The following ROR1 variants were observed in gnomAD, a reference collection of about 807,000 sequenced individuals.
The protein encoded by ROR1 is inactive tyrosine-protein kinase transmembrane receptor ROR1.
In ROR1, 19 loss-of-function variants were observed where a neutral mutation model predicts 78.8. The observed-to-expected ratio is 0.24, with a 90% confidence interval of 0.17 to 0.35. The LOEUF (loss-of-function observed/expected upper bound fraction) is 0.35, where lower values mean the gene tolerates loss of function less well. Among genes scored for constraint, ROR1 ranks in the 10% least tolerant of loss-of-function variants. The pLI is 1.00. For missense variants in ROR1, 917 were observed against 1,177.8 expected (o/e 0.78, Z 3.24); for synonymous variants, 386 against 433.6 (o/e 0.89, Z 1.36).
intron 6 of ROR1, among the ~76,000 whole-genome samples, chr1:64,141,628 G>A (rs1233498432): frequency 2.6e-5 from 4 of 152,018 alleles, no homozygotes; most frequent in South Asian, 4.1e-4. Context: ...GCAGCACCAC[G>A]CAAAAGACTA....
chr1:63,797,464 C>G (rs1644767787), intron 1 of ROR1, among the ~76,000 whole-genome samples: 1 of 152,210 alleles, frequency 6.6e-6, no homozygotes, highest in African/African-American at 2.4e-5. Flanking sequence ...GAATCACAGA[C>G]TATCAGAGTC....
At chr1:64,043,456 G>A (rs1646760466) in intron 2 of ROR1, among the ~76,000 whole-genome samples, 1 of 152,132 alleles carries the variant, frequency 6.6e-6, no homozygotes, top group East Asian at 1.9e-4. Context: ...CTTTTTTCTT[G>A]CAGTTTGCTT....
chr1:64,178,691 T>C lies in ROR1; in HGVS notation c.2650T>C (p.Leu884=). The C allele has an allele frequency of 6.2e-7, 1 of 1,614,108 alleles. No individual in the cohort carries two copies. Among genetic ancestry groups the C allele is most frequent in the Non-Finnish European group, 8.5e-7 (1 of 1,180,018 alleles). The change falls in exon 9 of 9, where the codon TTA becomes CTA. Residue 884 remains leucine (L), a synonymous_variant. Coordinates refer to ENST00000371079, the MANE Select transcript of ROR1 (RefSeq NM_005012.4). This position sits in a 1 kb window ranked among gnomAD's most constrained non-coding sequence, Gnocchi z 4.3. ...ATCCAATCAGGAAGCAAATATTCCT[T>C]TACTACCACACATGTCAATTCCAAA... ...SGSNQEANIP[L]LPHMSIPNHP... is the part of the protein sequence containing the mutation.
intron 2 of ROR1, among the ~76,000 whole-genome samples, chr1:64,018,219 G>C (rs1298593247): frequency 6.6e-6 from 1 of 152,102 alleles, no homozygotes; most frequent in Non-Finnish European, 1.5e-5. Context: ...GGACTTAAAA[G>C]GTCTGCTTGG....
intron 4 of ROR1, among the ~76,000 whole-genome samples, chr1:64,068,233 A>G (rs1646974397): frequency 6.6e-6 from 1 of 152,178 alleles, no homozygotes; most frequent in South Asian, 2.1e-4. Flanking sequence ...ACATTCTTAT[A>G]TCTGTCTAGC....
chr1:63,858,462 T>C lies in ROR1; in HGVS notation c.91+83954T>C, dbSNP rs576411459. Reference sequence around the variant, plus strand: ...CTTTCCCTGATGCACAAATTAAGACTGGGTGTATTTTGCATATTTTCCTAG... The same window carrying C: ...CTTTCCCTGATGCACAAATTAAGACCGGGTGTATTTTGCATATTTTCCTAG... On this transcript the variant is annotated intron_variant, in intron 1 of 8. Transcript: ENST00000371079. Among the ~76,000 whole-genome samples the C allele has an allele frequency of 4.6e-5, 7 of 152,324 alleles. No homozygotes were observed. The East Asian group carries it at 1.2e-3, about 25-fold the overall frequency.
At chr1:63,862,103 A>T (rs952273012) in intron 1 of ROR1, among the ~76,000 whole-genome samples, 7 of 151,992 alleles carry the variant, frequency 4.6e-5, no homozygotes, top group Non-Finnish European at 1.0e-4. Flanking sequence ...TTAGAACTAC[A>T]TTTTCCTGGC....
At chr1:64,093,088 C>G (rs1257884847) in intron 4 of ROR1, among the ~76,000 whole-genome samples, 1 of 152,126 alleles carries the variant, frequency 6.6e-6, no homozygotes, top group Non-Finnish European at 1.5e-5. Flanking sequence ...TAAGCAACGC[C>G]GGGTTGTTCA....
chr1:64,068,583 A>G (rs1557636460), intron 4 of ROR1, among the ~76,000 whole-genome samples: 1 of 152,202 alleles, frequency 6.6e-6, no homozygotes, highest in Admixed American at 6.5e-5. Flanking sequence ...TGATACCTTA[A>G]TTTATAAAGT....
chr1:63,958,967 A>G (rs1646005795), intron 1 of ROR1, among the ~76,000 whole-genome samples: 1 of 152,208 alleles, frequency 6.6e-6, no homozygotes, highest in African/African-American at 2.4e-5. Flanking sequence ...GAGATCTGTT[A>G]GTAAAGAATA....
At chr1:64,127,228 T>G (rs1250826861) in intron 4 of ROR1, among the ~76,000 whole-genome samples, 1 of 152,206 alleles carries the variant, frequency 6.6e-6, no homozygotes, top group Non-Finnish European at 1.5e-5. Context: ...ATTTCAAAGC[T>G]CTTGGCTTTA....
intron 1 of ROR1, among the ~76,000 whole-genome samples, chr1:63,785,892 G>A (rs1373745174): frequency 6.6e-6 from 1 of 152,122 alleles, no homozygotes; most frequent in Non-Finnish European, 1.5e-5. Flanking sequence ...TTCTCTGTGC[G>A]GCTCATAGCG....
At chr1:63,904,860 A>G (rs1050802819) in intron 1 of ROR1, among the ~76,000 whole-genome samples, 3 of 152,180 alleles carry the variant, frequency 2.0e-5, no homozygotes, top group African/African-American at 7.2e-5. Flanking sequence ...CCTAATTTCC[A>G]GAATTGTGAG....
intron 4 of ROR1, among the ~76,000 whole-genome samples, chr1:64,069,694 C>T (rs1246247702): frequency 6.6e-6 from 1 of 152,156 alleles, no homozygotes; most frequent in East Asian, 1.9e-4. Context: ...CAGATCCCTG[C>T]AGAGGTTCAT....
At chr1:64,118,149 G>T (rs1648385767) in intron 4 of ROR1, among the ~76,000 whole-genome samples, 1 of 152,220 alleles carries the variant, frequency 6.6e-6, no homozygotes, top group African/African-American at 2.4e-5. Flanking sequence ...GTTGCAGTGA[G>T]CTGTGATTGT....
chr1:64,132,760 CAAAAAA>C (rs749607703), intron 4 of ROR1, among the ~76,000 whole-genome samples: 40 of 70,456 alleles, frequency 5.7e-4, no homozygotes, highest in African/African-American at 1.7e-3. Context: ...GACTCCATCT[CAAAAAA>C]AAAAAAAAAA....
intron 1 of ROR1, among the ~76,000 whole-genome samples, chr1:63,794,198 G>C (rs1200070903): frequency 6.6e-6 from 1 of 152,160 alleles, no homozygotes; most frequent in African/African-American, 2.4e-5. Flanking sequence ...TGTGATCTTA[G>C]GCAAACCTCA....
chr1:64,055,437 C>T (rs1422783487), intron 4 of ROR1, among the ~76,000 whole-genome samples: 6 of 152,214 alleles, frequency 3.9e-5, no homozygotes, highest in African/African-American at 1.4e-4. Flanking sequence ...GGCAGTGTCA[C>T]AATACACAAA....
intron 1 of ROR1, among the ~76,000 whole-genome samples, chr1:63,917,075 C>A (rs1402870040): frequency 6.6e-6 from 1 of 152,176 alleles, no homozygotes; most frequent in Non-Finnish European, 1.5e-5. Flanking sequence ...TTTACGGACA[C>A]TGTCCCTGAA....
Sources: gnomAD v4.1 joint callset for allele counts (sites outside exome capture counted in the v4.1 genomes callset) on GRCh38, gnomAD v4.1.1 for gene constraint, Gnocchi (gnomAD v3.1) non-coding constraint, MANE v1.5 for transcripts, NCBI Gene and HGNC (gene_info 2026-07-23, HGNC 2026-07-21) for gene names.